The following EYS variants were observed in gnomAD, a reference collection of about 807,000 sequenced individuals.
The protein encoded by EYS is protein eyes shut homolog.
In EYS, 250 loss-of-function variants were observed where a neutral mutation model predicts 282.1. That is an observed-to-expected ratio of 0.89 (90% CI 0.80 to 0.98). EYS has a LOEUF of 0.98. EYS is among the 50% of genes least tolerant of loss of function. EYS has a pLI of 0.00. For missense variants in EYS, 4,016 were observed against 3,709.0 expected (o/e 1.08, Z -2.15); for synonymous variants, 1,355 against 1,282.9 (o/e 1.06, Z -1.20).
At chr6:63,906,729 G>A (rs1381887623) in intron 35 of EYS, among the ~76,000 whole-genome samples, 5 of 152,068 alleles carry the variant, frequency 3.3e-5, no homozygotes, top group Non-Finnish European at 7.4e-5. Flanking sequence ...AGTAAAATCA[G>A]CTTCTATCTG....
chr6:65,313,347 T>C (rs918674484), intron 11 of EYS, among the ~76,000 whole-genome samples: 4 of 151,770 alleles, frequency 2.6e-5, no homozygotes, highest in African/African-American at 7.3e-5. Flanking sequence ...AGTGACCCGA[T>C]ACATGCGTGA....
chr6:65,298,340 A>G (rs9363341), intron 11 of EYS, among the ~76,000 whole-genome samples: 89,214 of 151,814 alleles, frequency 0.59, 28,123 homozygotes, highest in East Asian at 0.94. Context: ...TCTAATCTGA[A>G]CTGTGTGGAG....
At chr6:63,895,257 A>G (rs1773507826) in intron 35 of EYS, among the ~76,000 whole-genome samples, 1 of 150,542 alleles carries the variant, frequency 6.6e-6, no homozygotes, top group Admixed American at 6.6e-5. Context: ...TTTTTTTTTC[A>G]GTTGTTAAAT....
chr6:65,045,622 G>T (rs183168150), intron 13 of EYS, among the ~76,000 whole-genome samples: 5 of 151,846 alleles, frequency 3.3e-5, no homozygotes, highest in African/African-American at 1.2e-4. Flanking sequence ...GAGGAAGTGA[G>T]CTGGTACCAG....
chr6:64,822,556 T>G (rs1764930078), intron 20 of EYS, 95 bp downstream of exon 20: 1 of 1,079,192 alleles, frequency 9.3e-7, no homozygotes. Context: ...AGAGCATAAT[T>G]AAAATTATCT....
At chr6:63,768,874 T>C (rs1445419092) in intron 40 of EYS, among the ~76,000 whole-genome samples, 8 of 152,124 alleles carry the variant, frequency 5.3e-5, no homozygotes, top group African/African-American at 1.9e-4. Context: ...ATATATACCA[T>C]GGAATACTAC....
At chr6:64,451,058 G>A (rs1344108980) in intron 26 of EYS, among the ~76,000 whole-genome samples, 1 of 152,128 alleles carries the variant, frequency 6.6e-6, no homozygotes, top group East Asian at 1.9e-4. Context: ...AAAAAGCAGT[G>A]AATCCAGGAG....
chr6:65,363,510 A>G (rs987075250), intron 8 of EYS, among the ~76,000 whole-genome samples: 2 of 151,958 alleles, frequency 1.3e-5, no homozygotes, highest in Non-Finnish European at 2.9e-5. Flanking sequence ...ACAACATTGT[A>G]AATGTTATGA....
chr6:64,551,379 A>G (rs773429053), intron 26 of EYS, among the ~76,000 whole-genome samples: 2 of 151,962 alleles, frequency 1.3e-5, no homozygotes, highest in Non-Finnish European at 2.9e-5. Flanking sequence ...GAGGATACCT[A>G]GTAGCTGTTG....
At position 64,463,231 on chromosome 6, in the gene EYS, G is replaced by A. The variant is rs577001621; in HGVS notation, c.5645-23879C>T. 5.4e-3 allele frequency among the ~76,000 whole-genome samples: 826 copies of A among 152,208 alleles called. 7 individuals carry two copies. The highest frequency in any genetic ancestry group is 0.02 in the South Asian group (98 of 4,826). ...CTCCCAAAGTGCTGGGATTACAGGC[G>A]TGAGCCACTGCGCCTGGCCTCTCAG... On this transcript the variant is annotated intron_variant, in intron 26 of 42. Transcript: ENST00000503581.
chr6:63,864,792 C>T (rs536958944), intron 35 of EYS, among the ~76,000 whole-genome samples: 23 of 152,258 alleles, frequency 1.5e-4, no homozygotes, highest in Admixed American at 1.2e-3. Context: ...GGACAAAGTC[C>T]TCCAAGAGCT....
chr6:64,250,292 A>C (rs1274271733), intron 30 of EYS, among the ~76,000 whole-genome samples: 1 of 152,214 alleles, frequency 6.6e-6, no homozygotes, highest in Non-Finnish European at 1.5e-5. Flanking sequence ...ACAAATAAAC[A>C]GTGATCCATT....
chr6:64,589,229 A>G (rs943560896), intron 26 of EYS, among the ~76,000 whole-genome samples: 3 of 152,068 alleles, frequency 2.0e-5, no homozygotes, highest in Non-Finnish European at 4.4e-5. Flanking sequence ...ACAAAATTAT[A>G]TCATATTGAA....
chr6:65,435,038 AAATT>A (rs1178493194), intron 5 of EYS, among the ~76,000 whole-genome samples: 3 of 151,894 alleles, frequency 2.0e-5, no homozygotes, highest in African/African-American at 7.2e-5. Context: ...ATAGATGAGT[AAATT>A]AATATCACAC....
chr6:63,964,615 A>C (rs570431192), intron 35 of EYS, among the ~76,000 whole-genome samples: 2 of 152,318 alleles, frequency 1.3e-5, no homozygotes. Flanking sequence ...GGACCCAGAG[A>C]GGATTTGCTG....
chr6:65,533,736 C>A (rs948381401), intron 2 of EYS, among the ~76,000 whole-genome samples: 2 of 152,036 alleles, frequency 1.3e-5, no homozygotes, highest in Non-Finnish European at 2.9e-5. Flanking sequence ...AGGCTTTCAC[C>A]ACATATGGAG....
chr6:64,095,650 C>G (rs916906196), intron 31 of EYS, among the ~76,000 whole-genome samples: 4 of 151,658 alleles, frequency 2.6e-5, no homozygotes, highest in Non-Finnish European at 5.9e-5. Context: ...ATATGTGTCT[C>G]TGCACATGAG....
intron 41 of EYS, among the ~76,000 whole-genome samples, chr6:63,747,276 C>G (rs2149646187): frequency 1.3e-5 from 2 of 152,296 alleles, no homozygotes; most frequent in East Asian, 3.9e-4. Context: ...TTTCTTAACA[C>G]TGAGTTCTAA....
At chr6:65,510,102 T>C (rs1175649860) in intron 2 of EYS, among the ~76,000 whole-genome samples, 2 of 151,398 alleles carry the variant, frequency 1.3e-5, no homozygotes, top group South Asian at 2.1e-4. Context: ...ACATGTGCCA[T>C]GCTGGTGCGC....
Sources: allele counts gnomAD v4.1 joint callset (sites outside exome capture counted in the v4.1 genomes callset), GRCh38; gene constraint gnomAD v4.1.1; transcripts MANE v1.5; gene names NCBI Gene and HGNC (gene_info 2026-07-23, HGNC 2026-07-21).